ATP5F1E: variants seen among roughly 807,000 people sequenced by gnomAD.
ATP5F1E encodes the protein ATP synthase F(1) complex subunit epsilon, mitochondrial.
In ATP5F1E, 5 loss-of-function variants were observed where a neutral mutation model predicts 7.0. That is an observed-to-expected ratio of 0.71 (90% CI 0.37 to 1.49). The LOEUF is 1.49. Ranked by LOEUF, ATP5F1E falls within the 40% of genes most tolerant of loss-of-function variation. ATP5F1E has a pLI of 0.03. For synonymous variants in ATP5F1E, 20 were observed against 20.1 expected (o/e 0.99, Z 0.02); for missense variants, 59 against 57.1 (o/e 1.03, Z -0.11).
intron 1 of ATP5F1E, among the ~76,000 whole-genome samples, chr20:59,031,799 G>C (rs567998676): frequency 6.6e-6 from 1 of 152,262 alleles, no homozygotes; most frequent in Non-Finnish European, 1.5e-5. Context: ...CTGGATTAAA[G>C]GTCAAAGCTG....
In ATP5F1E at chr20:59,030,335, C is replaced by A. The variant is rs141894687; in HGVS notation, c.127G>T (p.Val43Leu). ...TCCTTCTTTACTTTCACAATTTTTA[C>A]GTTGCTGCCAGAAGTCTTCTCAGCA... The part of the protein sequence containing the change: ...ANAEKTSGSN[V>L]KIVKVKKE The change falls in exon 2 of 3, where the codon GTA (valine) becomes TTA (leucine). Residue 43 changes from valine to leucine, a missense_variant. By Grantham distance (32) the Val-to-Leu change is conservative. Transcript: ENST00000243997. 2 of 1,613,668 alleles carry A rather than the reference C, an allele frequency of 1.2e-6. No homozygotes were observed. The highest frequency in any genetic ancestry group is 1.7e-6 in the Non-Finnish European group (2 of 1,179,822).
chr20:59,029,459 G>A (rs938473635), intron 2 of ATP5F1E: 2 of 152,166 alleles, frequency 1.3e-5, no homozygotes, highest in Admixed American at 6.5e-5. Context: ...AAGTAAAATT[G>A]CTCATAACCA....
chr20:59,028,679 C>T lies in ATP5F1E; in HGVS notation c.*166G>A, dbSNP rs1568692412. The T allele has an allele frequency of 1.2e-5, 2 of 167,030 alleles. No individual in the cohort carries two copies. The highest frequency in any genetic ancestry group is 4.8e-5 in the African/African-American group (2 of 41,432). The allele number at this position is 167,030 out of a possible 1,614,324, so 10.3% of individuals were successfully genotyped here. ...ATGAAAAAGTCTCACAAACTAAAAT[C>T]AAGAGTAACAGTGAACCATATTTCA... On this transcript the variant is annotated 3_prime_UTR_variant, in exon 3 of 3. Transcript: ENST00000243997.
rs962541541 is a variant in ATP5F1E at position 59,028,430 on chromosome 20, CTGACA to C, written c.*410_*414del. ...TGTTACTGATAACCATGTCATTATTCTGACATGACAACAATTCAAAAATAAGGGAC... is the reference window on the plus strand; with the variant it reads ...TGTTACTGATAACCATGTCATTATTCTGACAACAATTCAAAAATAAGGGAC... On this transcript the variant is annotated 3_prime_UTR_variant, in exon 3 of 3. Coordinates refer to ENST00000243997, the MANE Select transcript of ATP5F1E (RefSeq NM_006886.4). The C allele has an allele frequency of 6.6e-6, 1 of 152,192 alleles. No individual in the cohort carries two copies. The highest frequency in any genetic ancestry group is 1.5e-5 in the Non-Finnish European group (1 of 68,034). The allele number at this position is 152,192 out of a possible 1,614,324, so 9.4% of individuals were successfully genotyped here. A position where few individuals can be genotyped will look rare whatever the true frequency, so the allele number is the denominator to read the frequency against.
In ATP5F1E at chr20:59,027,245, T is replaced by C. The variant is rs1469241775; in HGVS notation, c.*1600A>G. 2 of 152,022 alleles carry C rather than the reference T, an allele frequency of 1.3e-5. No individual in the cohort carries two copies. Among genetic ancestry groups the C allele is most frequent in the African/African-American group, 4.8e-5 (2 of 41,376 alleles). The allele number at this position is 152,022 out of a possible 1,614,324, so 9.4% of individuals were successfully genotyped here. A position where few individuals can be genotyped will look rare whatever the true frequency, so the allele number is the denominator to read the frequency against. ...CAATAATCTACCAATATACTACCAA[T>C]CTACTATGCCATCTATATACCAGTA... On this transcript the variant is annotated 3_prime_UTR_variant, in exon 3 of 3. Transcript: ENST00000243997.
rs1172387434 is a variant in ATP5F1E at position 59,026,624 on chromosome 20, G to C, written c.*2221C>G. The C allele has an allele frequency of 6.6e-6, 1 of 152,148 alleles. No individual in the cohort carries two copies. Among genetic ancestry groups the C allele is most frequent in the Admixed American group, 6.5e-5 (1 of 15,276 alleles). 9.4% of individuals were successfully genotyped at this position (152,148 alleles called of 1,614,324 possible). A position where few individuals can be genotyped will look rare whatever the true frequency, so the allele number is the denominator to read the frequency against. On this transcript the variant is annotated 3_prime_UTR_variant, in exon 3 of 3. Transcript: ENST00000243997. ...TAAATGGCAAAATTGCTTTATTTCAGACTAAATAAATTCCTTTTCTTGAAG... is the reference window on the plus strand; with the variant it reads ...TAAATGGCAAAATTGCTTTATTTCACACTAAATAAATTCCTTTTCTTGAAG...
At chr20:59,030,489 T>C in intron 1 of ATP5F1E, 60 bp from the exon 2 acceptor site, 1 of 1,601,836 alleles carries the variant, frequency 6.2e-7, no homozygotes. Flanking sequence ...AGACAGCTGT[T>C]ACTGTGTTTT....
Position 59,028,114 on chromosome 20 carries a change from A to G in ATP5F1E, c.*731T>C, listed in dbSNP as rs2092004008. On this transcript the variant is annotated 3_prime_UTR_variant, in exon 3 of 3. Coordinates refer to ENST00000243997, the MANE Select transcript of ATP5F1E (RefSeq NM_006886.4). Reference sequence around the variant, plus strand: ...AATGAATCACTATGGAAATACCACGAAACTGCTGTTGTGGTCACCGTGTCC... The same window carrying G: ...AATGAATCACTATGGAAATACCACGGAACTGCTGTTGTGGTCACCGTGTCC... The G allele has an allele frequency of 6.6e-6, 1 of 152,236 alleles. No homozygotes were observed. Among genetic ancestry groups the G allele is most frequent in the African/African-American group, 2.4e-5 (1 of 41,460 alleles). The allele number at this position is 152,236 out of a possible 1,614,324, so 9.4% of individuals were successfully genotyped here.
intron 2 of ATP5F1E, chr20:59,029,514 T>C (rs534606468): frequency 1.3e-5 from 2 of 152,386 alleles, no homozygotes; most frequent in South Asian, 4.1e-4. Flanking sequence ...TGTGCTATTA[T>C]GGGTCTGAAG....
rs554465939 is a variant in ATP5F1E, at chr20:59,026,399, T to C, written c.*2446A>G. On this transcript the variant is annotated 3_prime_UTR_variant, in exon 3 of 3. Coordinates refer to ENST00000243997, the MANE Select transcript of ATP5F1E (RefSeq NM_006886.4). Reference sequence around the variant, plus strand: ...GTTTGAAGTTAGTAACTTCCTGAGATGCTAAAGACTTACAGCCTGCGATTA... The same window carrying C: ...GTTTGAAGTTAGTAACTTCCTGAGACGCTAAAGACTTACAGCCTGCGATTA... The C allele has an allele frequency of 6.6e-6, 1 of 152,360 alleles. No individual in the cohort carries two copies. The highest frequency in any genetic ancestry group is 2.1e-4 in the South Asian group (1 of 4,834). The allele number at this position is 152,360 out of a possible 1,614,324, so 9.4% of individuals were successfully genotyped here.
At chr20:59,029,957 A>G (rs1240274047) in intron 2 of ATP5F1E, 2 of 331,270 alleles carry the variant, frequency 6.0e-6, no homozygotes, top group Non-Finnish European at 1.2e-5. Flanking sequence ...TGTAACTCCA[A>G]TTGCAATTAT....
rs1213367114 is a variant in ATP5F1E, at chr20:59,025,784, T to C, written c.*3061A>G. 2 of 152,240 alleles carry C rather than the reference T, an allele frequency of 1.3e-5. No homozygotes were observed. The highest frequency in any genetic ancestry group is 2.9e-5 in the Non-Finnish European group (2 of 68,042). 9.4% of individuals were successfully genotyped at this position (152,240 alleles called of 1,614,324 possible). A position where few individuals can be genotyped will look rare whatever the true frequency, so the allele number is the denominator to read the frequency against. On this transcript the variant is annotated 3_prime_UTR_variant, in exon 3 of 3. Transcript: ENST00000243997. ...GGACATCGTCTCATTAGGGAACTTT[T>C]ACAGTTCAAATTAATTTGCAGAAGT... is the stretch of plus-strand genomic sequence containing the variant.
At position 59,032,281 on chromosome 20, in the gene ATP5F1E, G is replaced by C. The variant is rs775665577; in HGVS notation, c.-30C>G. On this transcript the variant is annotated 5_prime_UTR_variant, in exon 1 of 3. Coordinates refer to ENST00000243997, the MANE Select transcript of ATP5F1E (RefSeq NM_006886.4). ...TAGCGAAAGCGGAGCTCGTCGGGCC[G>C]AATCGCCAAGACGCCGGCAATGTCG... 3.1e-6 allele frequency: 5 copies of C among 1,594,340 alleles called. No homozygotes were observed. The highest frequency in any genetic ancestry group is 4.5e-5 in the East Asian group (2 of 44,258).
At chr20:59,031,144 T>C (rs1034954789) in intron 1 of ATP5F1E, among the ~76,000 whole-genome samples, 3 of 152,194 alleles carry the variant, frequency 2.0e-5, no homozygotes, top group Non-Finnish European at 4.4e-5. Flanking sequence ...TATTTTCTCA[T>C]GTTTTAGAAT....
intron 1 of ATP5F1E, among the ~76,000 whole-genome samples, chr20:59,031,274 G>A (rs2092026691): frequency 6.6e-6 from 1 of 152,152 alleles, no homozygotes. Flanking sequence ...AAAAACAACA[G>A]AATAAAAGGA....
Position 59,025,826 on chromosome 20 carries a change from A to G in ATP5F1E, c.*3019T>C, listed in dbSNP as rs1275708434. On this transcript the variant is annotated 3_prime_UTR_variant, in exon 3 of 3. Coordinates refer to ENST00000243997, the MANE Select transcript of ATP5F1E (RefSeq NM_006886.4). ...TGCAGAAGTTGCCATAAATGTTTGC[A>G]TAATGACATAGCTTTAAGCACTACA... 1 of 152,280 alleles carries G rather than the reference A, an allele frequency of 6.6e-6. No individual in the cohort carries two copies. The highest frequency in any genetic ancestry group is 1.5e-5 in the Non-Finnish European group (1 of 68,046). 9.4% of individuals were successfully genotyped at this position (152,280 alleles called of 1,614,324 possible).
At position 59,029,671 on chromosome 20, in the gene ATP5F1E, C is replaced by A. The variant is rs139760258; in HGVS notation, c.*3+632G>T. 1.5e-3 allele frequency: 240 copies of A among 154,882 alleles called. 6 individuals carry two copies. In the East Asian group the frequency reaches 0.04, roughly 26 times the overall value. 9.6% of individuals were successfully genotyped at this position (154,882 alleles called of 1,614,324 possible). On this transcript the variant is annotated intron_variant, in intron 2 of 2. Transcript: ENST00000243997. ...GTGGAACACAAAAGTCTACACTTAT[C>A]AACTGTACAGACCTTTTTATTTCAC...
rs1203717138 is a variant in ATP5F1E, at chr20:59,025,485, T to C, written c.*3360A>G. ...GCAAAACTAAAGAACTGCAGTCTTC[T>C]GATCTTTATTTCTGAAGAGCTAGCC... On this transcript the variant is annotated 3_prime_UTR_variant, in exon 3 of 3. Coordinates refer to ENST00000243997, the MANE Select transcript of ATP5F1E (RefSeq NM_006886.4). 6.5e-6 allele frequency: 1 copy of C among 152,844 alleles called. No homozygotes were observed. Among genetic ancestry groups the C allele is most frequent in the Non-Finnish European group, 1.5e-5 (1 of 68,500 alleles). The allele number at this position is 152,844 out of a possible 1,614,324, so 9.5% of individuals were successfully genotyped here.
rs376554015 is a variant in ATP5F1E at position 59,030,543 on chromosome 20, A to G, written c.33-114T>C. ...TTTTATTTTGGTTTGGTTGTACCTT[A>G]TTGTAGAATTGGATTTAAAAATATG... On this transcript the variant is annotated intron_variant, in intron 1 of 2. Transcript: ENST00000243997. 18 of 1,328,462 alleles carry G rather than the reference A, an allele frequency of 1.4e-5. No homozygotes were observed. The East Asian group carries it at 1.7e-4, about 13-fold the overall frequency. 82.3% of individuals were successfully genotyped at this position (1,328,462 alleles called of 1,614,324 possible).
Sources: gnomAD v4.1 joint callset for allele counts (sites outside exome capture counted in the v4.1 genomes callset) on GRCh38, gnomAD v4.1.1 for gene constraint, MANE v1.5 for transcripts, NCBI Gene and HGNC (gene_info 2026-07-23, HGNC 2026-07-21) for gene names.